Variants in ABCA1 observed in about 807,000 individuals in gnomAD.
ABCA1 encodes the protein phospholipid-transporting ATPase ABCA1.
In ABCA1, 133 loss-of-function variants were observed where a neutral mutation model predicts 262.5. That is an observed-to-expected ratio of 0.51 (90% CI 0.44 to 0.59). The LOEUF (loss-of-function observed/expected upper bound fraction) is 0.59, where lower values mean the gene tolerates loss of function less well. Among genes scored for constraint, ABCA1 ranks in the 20% least tolerant of loss-of-function variants. ABCA1 has a pLI of 0.00. For missense variants in ABCA1, 2,452 were observed against 2,777.5 expected (o/e 0.88, Z 2.63); for synonymous variants, 1,022 against 1,043.5 (o/e 0.98, Z 0.40).
At chr9:104,841,873 T>C (rs969195296) in intron 8 of ABCA1, among the ~76,000 whole-genome samples, 2 of 152,274 alleles carry the variant, frequency 1.3e-5, no homozygotes, top group Non-Finnish European at 2.9e-5. Context: ...AATGCTATTA[T>C]GAAATATTTA....
At chr9:104,834,163 C>A (rs1278202325) in intron 11 of ABCA1, among the ~76,000 whole-genome samples, 1 of 149,732 alleles carries the variant, frequency 6.7e-6, no homozygotes, top group Non-Finnish European at 1.5e-5. Context: ...TATGTAATTT[C>A]ATTAATTATT....
chr9:104,794,123 AT>A (rs1417914662), intron 40 of ABCA1, among the ~76,000 whole-genome samples: 1 of 152,206 alleles, frequency 6.6e-6, no homozygotes. Flanking sequence ...GAGCCAGTGG[AT>A]CCAAGCAAAT....
In ABCA1 at chr9:104,788,035, C is replaced by T. The variant is rs199604917; in HGVS notation, c.6089G>A (p.Arg2030Gln). ...TCCATACTTCACGAGGCCCAGTTTC[C>T]GAATCGCCCACTCACCAACCTACAG... ...EVGKVGEWAI[R>Q]KLGLVKYGEK... Residue 2030 changes from arginine (R) to glutamine (Q), a missense_variant, in exon 46 of 50, where the codon CGG becomes CAG. Transcript: ENST00000374736. 2.6e-5 allele frequency: 42 copies of T among 1,614,066 alleles called. No homozygotes were observed. Among genetic ancestry groups the T allele is most frequent in the South Asian group, 5.5e-5 (5 of 91,088 alleles).
At position 104,831,643 on chromosome 9, in the gene ABCA1, C is replaced by T; in HGVS notation, c.1694G>A (p.Arg565Lys). The part of the protein sequence containing the change: ...KIRMDIDNVE[R>K]TNKIKDGYWD... ...TTACCCATCCTTGATTTTATTTGTC[C>T]TCTCCACATTGTCAATGTCCATTCG... The change falls in exon 13 of 50, where the codon AGG (arginine) becomes AAG (lysine). Residue 565 changes from arginine (R) to lysine (K), a missense_variant. By Grantham distance (26) the Arg-to-Lys change is conservative. Coordinates refer to ENST00000374736, the MANE Select transcript of ABCA1 (RefSeq NM_005502.4). The T allele has an allele frequency of 3.1e-6, 5 of 1,613,992 alleles. No homozygotes were observed. The highest frequency in any genetic ancestry group is 4.2e-6 in the Non-Finnish European group (5 of 1,179,928).
Position 104,829,056 on chromosome 9 carries a change from T to G in ABCA1, c.1975A>C (p.Ile659Leu). The G allele has an allele frequency of 6.2e-7, 1 of 1,614,206 alleles. No individual in the cohort carries two copies. The highest frequency in any genetic ancestry group is 8.5e-7 in the Non-Finnish European group (1 of 1,180,042). Residue 659 changes from isoleucine to leucine, a missense_variant, in exon 15 of 50, where the codon ATC (isoleucine) becomes CTC (leucine). Coordinates refer to ENST00000374736, the MANE Select transcript of ABCA1 (RefSeq NM_005502.4). ...AGCCGTGCCTCCTTCTCATACACGA[T>G]GCCCTTGATGATCACAGCCACTGAG... ...IYSVAVIIKG[I>L]VYEKEARLKE...
chr9:104,816,003 G>T, intron 25 of ABCA1, 140 bp downstream of exon 25: 1 of 942,648 alleles, frequency 1.1e-6, no homozygotes. Flanking sequence ...GGCTCACTGG[G>T]GCCAACATTA....
At chr9:104,891,728 G>A (rs1334318023) in intron 2 of ABCA1, among the ~76,000 whole-genome samples, 1 of 151,110 alleles carries the variant, frequency 6.6e-6, no homozygotes, top group Non-Finnish European at 1.5e-5. Flanking sequence ...AACTTTGCGA[G>A]GCCAAGGCAG....
At position 104,886,101 on chromosome 9, in the gene ABCA1, C is replaced by G. The variant is rs1485226822; in HGVS notation, c.161-1533G>C. On this transcript the variant is annotated intron_variant, in intron 3 of 49. Coordinates refer to ENST00000374736, the MANE Select transcript of ABCA1 (RefSeq NM_005502.4). ...TTTTTGCAGAGTGCCTGGTGTAGGA[C>G]AAAGACTCAACAAATGAGCCTATGA... is the stretch of plus-strand genomic sequence containing the variant. Among the ~76,000 whole-genome samples, 3 of 152,192 alleles carry G rather than the reference C, an allele frequency of 2.0e-5. No individual in the cohort carries two copies. In the East Asian group the frequency reaches 5.8e-4, roughly 29 times the overall value.
intron 1 of ABCA1, among the ~76,000 whole-genome samples, chr9:104,920,509 A>T (rs1203422529): frequency 6.6e-6 from 1 of 152,084 alleles, no homozygotes; most frequent in East Asian, 1.9e-4. Flanking sequence ...GTAAACTATA[A>T]AGCAAGATTT....
intron 7 of ABCA1, among the ~76,000 whole-genome samples, chr9:104,856,675 T>G (rs1835866509): frequency 6.6e-6 from 1 of 152,184 alleles, no homozygotes; most frequent in African/African-American, 2.4e-5. Flanking sequence ...ACACAATAGG[T>G]GTTTAATGAG....
At chr9:104,896,717 T>TTTA (rs1840245620) in intron 2 of ABCA1, among the ~76,000 whole-genome samples, 3 of 54,970 alleles carry the variant, frequency 5.5e-5, no homozygotes, top group African/African-American at 3.8e-4. Context: ...ACATCTTTTT[T>TTTA]TTTTTTTTTT....
rs766411679 is a variant in ABCA1 at position 104,796,089 on chromosome 9, G to A, written c.5346C>T (p.Ser1782=). 1.4e-5 allele frequency: 23 copies of A among 1,613,186 alleles called. No individual in the cohort carries two copies. Among genetic ancestry groups the A allele is most frequent in the East Asian group, 1.3e-4 (6 of 44,880 alleles). Reference sequence around the variant, plus strand: ...ACAGCTCCAGCACAAAGGTGGCCACGCTGCCATTAATGCCAATGAAGAGGT... The same window carrying A: ...ACAGCTCCAGCACAAAGGTGGCCACACTGCCATTAATGCCAATGAAGAGGT... ...SVNLFIGING[S]VATFVLELFT... The change falls in exon 39 of 50, where the codon AGC becomes AGT. Residue 1782 remains serine (S), a synonymous_variant. Transcript: ENST00000374736.
intron 32 of ABCA1, 92 bp from the exon 33 acceptor site, chr9:104,803,408 T>A (rs1830506410): frequency 3.1e-6 from 4 of 1,287,008 alleles, no homozygotes; most frequent in African/African-American, 1.5e-5. Flanking sequence ...CCTGAGGATA[T>A]AAGGAACGGA....
Position 104,814,167 on chromosome 9 carries a change from C to T in ABCA1, c.3852G>A (p.Pro1284=), listed in dbSNP as rs776948531. The T allele has an allele frequency of 2.4e-5, 39 of 1,614,104 alleles. No homozygotes were observed. Among genetic ancestry groups the T allele is most frequent in the Non-Finnish European group, 2.8e-5 (33 of 1,180,056 alleles). The part of the protein sequence containing the change: ...AFGDKQSCLR[P]FTEDDAADPN... ...GATCAGCAGCATCATCTTCAGTGAA[C>T]GGGCGAAGACAGCTCTGCTTGTCCC... The change falls in exon 27 of 50, where the codon CCG becomes CCA. Residue 1284 remains proline (P), a synonymous_variant. Coordinates refer to ENST00000374736, the MANE Select transcript of ABCA1 (RefSeq NM_005502.4).
chr9:104,800,542 TA>T lies in ABCA1; in HGVS notation c.4740del (p.Phe1580LeufsTer2). 6.2e-7 allele frequency: 1 copy of T among 1,614,152 alleles called. No homozygotes were observed. The highest frequency in any genetic ancestry group is 8.5e-7 in the Non-Finnish European group (1 of 1,179,984). On this transcript the variant is annotated frameshift_variant, in exon 35 of 50. Transcript: ENST00000374736. LOFTEE classifies it high-confidence loss of function. ...TTATTTTTGGTGTCCAGTCCTGTCA[TA>T]AATCTTCCCAAGCTGTTGAGAAATC... Reference protein sequence around the residue: ...ADRFLNSLGRFMTGLDTKNNV... With the variant: ...ADRFLNSLGRXMTGLDTKNNV...
intron 22 of ABCA1, among the ~76,000 whole-genome samples, chr9:104,819,372 T>C (rs1366824221): frequency 1.3e-5 from 2 of 152,058 alleles, no homozygotes; most frequent in East Asian, 1.9e-4. Flanking sequence ...CAACTAACCA[T>C]AAATTTAGTG....
intron 18 of ABCA1, among the ~76,000 whole-genome samples, chr9:104,823,913 A>G (rs973782955): frequency 4.6e-5 from 7 of 152,182 alleles, no homozygotes; most frequent in African/African-American, 1.2e-4. Flanking sequence ...CCTATTAAAT[A>G]TTTAGGAAGC....
rs756654487 is a variant in ABCA1 at position 104,821,473 on chromosome 9, C to A, written c.2862G>T (p.Ser954=). The A allele has an allele frequency of 6.2e-7, 1 of 1,614,018 alleles. No homozygotes were observed. Among genetic ancestry groups the A allele is most frequent in the South Asian group, 1.1e-5 (1 of 91,076 alleles). The part of the protein sequence containing the change: ...SILTGLFPPT[S]GTAYILGKDI... ...CTTTTCCCAGGATGTAGGCGGTGCC[C>A]GAGGTCGGGGGGAACAACCCGGTCA... Residue 954 remains serine (S), a synonymous_variant, in exon 20 of 50, where the codon TCG becomes TCT. Transcript: ENST00000374736.
At chr9:104,885,697 G>A (rs2777783) in intron 3 of ABCA1, among the ~76,000 whole-genome samples, 5 of 152,168 alleles carry the variant, frequency 3.3e-5, no homozygotes, top group South Asian at 2.1e-4. Context: ...GTTTGCGGCC[G>A]TAATACATGG....
Sources: allele counts gnomAD v4.1 joint callset (sites outside exome capture counted in the v4.1 genomes callset), GRCh38; gene constraint gnomAD v4.1.1; transcripts MANE v1.5; gene names NCBI Gene and HGNC (gene_info 2026-07-23, HGNC 2026-07-21).